The following LYPD6 variants were observed in gnomAD, a reference collection of about 807,000 sequenced individuals.
LYPD6 encodes the protein ly6/PLAUR domain-containing protein 6.
LYPD6 carries 15 observed loss-of-function variants against 22.7 expected under a neutral mutation model. That is an observed-to-expected ratio of 0.66 (90% confidence interval 0.44 to 1.02). The LOEUF (loss-of-function observed/expected upper bound fraction) is 1.02, where lower values mean the gene tolerates loss of function less well. LYPD6 is among the 50% of genes least tolerant of loss of function. The probability of loss-of-function intolerance (pLI) is 0.00; values close to 1 mark genes in which losing one functional copy is unlikely to be tolerated. For synonymous variants in LYPD6, 72 were observed against 77.5 expected, an observed-to-expected ratio of 0.93 and a Z score of 0.37; for missense variants, 189 against 208.4, an observed-to-expected ratio of 0.91 and a Z score of 0.57.
chr2:149,354,063 T>G (rs897621342), intron 1 of LYPD6, among the ~76,000 whole-genome samples: 5 of 152,076 alleles, frequency 3.3e-5, no homozygotes, highest in Non-Finnish European at 4.4e-5. Context: ...GAAGATCCTG[T>G]GTTTGTCTCC....
chr2:149,372,271 G>A (rs1158510495), intron 1 of LYPD6, among the ~76,000 whole-genome samples: 2 of 152,080 alleles, frequency 1.3e-5, no homozygotes, highest in Non-Finnish European at 2.9e-5. Context: ...AAGACCTTAC[G>A]CCTGATAAAG....
the LYPD6 span, among the ~76,000 whole-genome samples, chr2:149,483,307 T>C: frequency 2.6e-5 from 4 of 152,308 alleles, no homozygotes; most frequent in South Asian, 8.3e-4. Context: ...CATATTTCCC[T>C]GGAGGAAAAA....
intron 1 of LYPD6, among the ~76,000 whole-genome samples, chr2:149,336,928 C>CTTTGTGT (rs59618488): frequency 6.7e-6 from 1 of 148,450 alleles, no homozygotes; most frequent in South Asian, 2.2e-4. Context: ...GTTGAAATAA[C>CTTTGTGT]GTGTGTGTGT....
At chr2:149,347,077 G>A (rs920285509) in intron 1 of LYPD6, among the ~76,000 whole-genome samples, 6 of 152,128 alleles carry the variant, frequency 3.9e-5, no homozygotes, top group African/African-American at 1.2e-4. Flanking sequence ...GGTGTCTGGT[G>A]ACTTGCAGAT....
chr2:149,403,782 G>A (rs1440189712), intron 1 of LYPD6, among the ~76,000 whole-genome samples: 12 of 152,034 alleles, frequency 7.9e-5, no homozygotes, highest in Admixed American at 6.6e-5. Context: ...ATTGCTTTTG[G>A]TGTTTTAGAC....
chr2:149,479,280 C>A, the LYPD6 span, among the ~76,000 whole-genome samples: 1 of 152,144 alleles, frequency 6.6e-6, no homozygotes, highest in African/African-American at 2.4e-5. Flanking sequence ...CAGAGTTCCT[C>A]GAAATTTGGT....
chr2:149,333,877 A>C (rs1680984378), intron 1 of LYPD6, among the ~76,000 whole-genome samples: 2 of 152,216 alleles, frequency 1.3e-5, no homozygotes, highest in African/African-American at 2.4e-5. Flanking sequence ...CAATTCAATT[A>C]AGTCTTCTAA....
At chr2:149,448,064 TG>T (rs1267152288) in intron 2 of LYPD6, among the ~76,000 whole-genome samples, 1 of 152,080 alleles carries the variant, frequency 6.6e-6, no homozygotes, top group Non-Finnish European at 1.5e-5. Context: ...GAGGCCAAGG[TG>T]GGTGGATCAC....
At chr2:149,460,300 T>G (rs1366961045) in intron 3 of LYPD6, among the ~76,000 whole-genome samples, 1 of 151,532 alleles carries the variant, frequency 6.6e-6, no homozygotes, top group Non-Finnish European at 1.5e-5. Context: ...TTCAAAATAA[T>G]TATATAAGCA....
chr2:149,449,360 T>A (rs1408453269), intron 3 of LYPD6, among the ~76,000 whole-genome samples: 1 of 152,196 alleles, frequency 6.6e-6, no homozygotes, highest in African/African-American at 2.4e-5. Context: ...TCATGAAGTA[T>A]TTTTGGCACT....
chr2:149,388,176 C>T (rs1573762658), intron 1 of LYPD6, among the ~76,000 whole-genome samples: 1 of 96,548 alleles, frequency 1.0e-5, no homozygotes, highest in Non-Finnish European at 2.4e-5. Context: ...TTCTCTCTCT[C>T]TCTCTTTTTT....
At chr2:149,425,950 A>C (rs79729387) in intron 1 of LYPD6, among the ~76,000 whole-genome samples, 1 of 152,224 alleles carries the variant, frequency 6.6e-6, no homozygotes, top group African/African-American at 2.4e-5. Flanking sequence ...GTGTAGCTGA[A>C]GGTATTAATC....
upstream of LYPD6, chr2:149,330,374 T>A (rs1028035871): frequency 6.6e-6 from 1 of 151,284 alleles, no homozygotes; most frequent in African/African-American, 2.4e-5. Flanking sequence ...GTTTGCAGAC[T>A]TGGCGCTCAG....
intron 3 of LYPD6, among the ~76,000 whole-genome samples, chr2:149,452,061 CTG>C (rs1346703517): frequency 1.3e-5 from 2 of 152,220 alleles, no homozygotes; most frequent in African/African-American, 4.8e-5. Context: ...CAACTTGGAA[CTG>C]GAGGTCCAGC....
At chr2:149,333,404 A>G (rs1210773940) in intron 1 of LYPD6, among the ~76,000 whole-genome samples, 1 of 152,216 alleles carries the variant, frequency 6.6e-6, no homozygotes, top group African/African-American at 2.4e-5. Flanking sequence ...TCTCATTTGC[A>G]ATAACGTGGT....
intron 1 of LYPD6, among the ~76,000 whole-genome samples, chr2:149,409,902 G>A (rs1185920718): frequency 6.6e-6 from 1 of 152,074 alleles, no homozygotes; most frequent in Non-Finnish European, 1.5e-5. Context: ...CATCTTAGGG[G>A]GCCTGCAGCA....
At chr2:149,346,942 G>C (rs1195761035) in intron 1 of LYPD6, among the ~76,000 whole-genome samples, 3 of 152,074 alleles carry the variant, frequency 2.0e-5, no homozygotes, top group Non-Finnish European at 2.9e-5. Context: ...CTTATGATCC[G>C]CCCGCCTTGG....
chr2:149,452,662 A>G (rs1230555252), intron 3 of LYPD6, among the ~76,000 whole-genome samples: 1 of 152,254 alleles, frequency 6.6e-6, no homozygotes, highest in Non-Finnish European at 1.5e-5. Flanking sequence ...TTATAAACGC[A>G]GAATAAGTGC....
intron 3 of LYPD6, chr2:149,464,444 G>A (rs1030657296): frequency 7.5e-5 from 13 of 172,494 alleles, no homozygotes; most frequent in Non-Finnish European, 1.3e-4. Context: ...AGGCAATGAG[G>A]AGACAGTTTG....
Sources: allele counts gnomAD v4.1 joint callset (sites outside exome capture counted in the v4.1 genomes callset), GRCh38; gene constraint gnomAD v4.1.1; transcripts MANE v1.5; gene names NCBI Gene and HGNC (gene_info 2026-07-23, HGNC 2026-07-21).